NUP210L: variants seen among roughly 807,000 people sequenced by gnomAD.
NUP210L encodes nuclear pore membrane glycoprotein 210-like.
NUP210L carries 74 observed loss-of-function variants against 208.5 expected under a neutral mutation model. The observed-to-expected ratio is 0.35, with a 90% CI of 0.29 to 0.43. The LOEUF (loss-of-function observed/expected upper bound fraction) is 0.43. Among genes scored for constraint, NUP210L ranks in the 20% least tolerant of loss-of-function variants. The pLI is 1.00. For synonymous variants in NUP210L, 780 were observed against 816.9 expected (o/e 0.95, Z 0.77); for missense variants, 1,843 against 2,289.4 (o/e 0.81, Z 3.98).
chr1:154,090,471 C>G (rs374497031), intron 15 of NUP210L, among the ~76,000 whole-genome samples: 1 of 152,070 alleles, frequency 6.6e-6, no homozygotes, highest in Non-Finnish European at 1.5e-5. Flanking sequence ...ATGATAAAAG[C>G]CTTACCACAG....
intron 27 of NUP210L, among the ~76,000 whole-genome samples, chr1:154,032,404 G>A (rs1458067658): frequency 2.0e-5 from 3 of 152,078 alleles, no homozygotes; most frequent in African/African-American, 4.8e-5. Context: ...ATTTTAACTG[G>A]GGTGAGATAT....
At chr1:154,054,700 G>T in intron 24 of NUP210L, 70 bp downstream of exon 24, 2 of 1,069,198 alleles carry the variant, frequency 1.9e-6, no homozygotes, top group Admixed American at 1.7e-5. Flanking sequence ...GAAGAGAGGT[G>T]TGTGTGTGTG....
intron 30 of NUP210L, among the ~76,000 whole-genome samples, chr1:154,023,767 T>G (rs535217884): frequency 1.3e-5 from 2 of 151,824 alleles, no homozygotes; most frequent in East Asian, 3.9e-4. Context: ...CGTGAGCCAC[T>G]GTGCCCGGCT....
rs554958515 is a variant in NUP210L, at chr1:153,993,205, T to C, written c.5492-116A>G. ...AATTCTTAAAAATAAGTAATAGTAA[T>C]GGCACTATTACAGGAAGTTTTTATC... On this transcript the variant is annotated intron_variant, in intron 38 of 39. Transcript: ENST00000368559. 1.1e-4 allele frequency: 71 copies of C among 646,748 alleles called. No individual in the cohort carries two copies. In the African/African-American group the frequency reaches 1.3e-3, roughly 12 times the overall value. The allele number at this position is 646,748 out of a possible 1,614,324, so 40.1% of individuals were successfully genotyped here. A position where few individuals can be genotyped will look rare whatever the true frequency, so the allele number is the denominator to read the frequency against.
chr1:154,127,692 C>T (rs999419113), intron 8 of NUP210L, among the ~76,000 whole-genome samples: 1 of 150,748 alleles, frequency 6.6e-6, no homozygotes. Flanking sequence ...CTGGGATTAT[C>T]GGTGTGCGTT....
At chr1:154,125,040 C>T (rs1390108382) in intron 10 of NUP210L, among the ~76,000 whole-genome samples, 1 of 152,142 alleles carries the variant, frequency 6.6e-6, no homozygotes, top group Admixed American at 6.6e-5. Flanking sequence ...TGTAGTGGCT[C>T]ACACCTATAA....
chr1:154,037,656 CTTTTA>C (rs774905976), intron 27 of NUP210L, among the ~76,000 whole-genome samples: 38 of 152,064 alleles, frequency 2.5e-4, no homozygotes, highest in Admixed American at 7.2e-4. Context: ...CACTCTATGT[CTTTTA>C]TTTTATTTTA....
At chr1:154,133,874 GCA>G (rs1658380852) in intron 7 of NUP210L, among the ~76,000 whole-genome samples, 1 of 151,446 alleles carries the variant, frequency 6.6e-6, no homozygotes. Context: ...TTTTGGCCAG[GCA>G]CAGTGGCTCA....
rs377148470 is a variant in NUP210L, at chr1:154,060,950, C to G, written c.2740G>C (p.Asp914His). The change falls in exon 19 of 40, where the codon GAT becomes CAT. Residue 914 changes from aspartate (D) to histidine (H), a missense_variant. By Grantham distance (81) the Asp-to-His change is moderately conservative. This residue lies in a region of NUP210L where 408 missense variants were observed against 600.8 expected (regional missense o/e 0.68). Transcript: ENST00000368559. ...ACTCATACAGCTTCTACCTTTACAT[C>G]AGGGTGGTTATAGATGGTGGCATTC... 10 of 1,603,766 alleles carry G rather than the reference C, an allele frequency of 6.2e-6. No individual in the cohort carries two copies. The African/African-American group carries it at 1.3e-4, about 21-fold the overall frequency.
chr1:154,094,151 C>T lies in NUP210L; in HGVS notation c.2187+784G>A, dbSNP rs1015268289. On this transcript the variant is annotated intron_variant, in intron 15 of 39. Coordinates refer to ENST00000368559, the Ensembl canonical transcript of NUP210L. ...ACAAAAAATTAGCCAGGCGTGGTGG[C>T]GTGCACCTGTCATCCCAGCTACTCA... Among the ~76,000 whole-genome samples, 5 of 152,092 alleles carry T rather than the reference C, an allele frequency of 3.3e-5. No homozygotes were observed. The South Asian group carries it at 8.3e-4, about 25-fold the overall frequency.
intron 27 of NUP210L, among the ~76,000 whole-genome samples, chr1:154,041,651 A>AG (rs1385443829): frequency 1.3e-5 from 2 of 152,076 alleles, no homozygotes; most frequent in East Asian, 1.9e-4. Flanking sequence ...AGAGAAAAAA[A>AG]AAAAGAAAAG....
intron 12 of NUP210L, among the ~76,000 whole-genome samples, chr1:154,107,684 A>C (rs1022486227): frequency 6.6e-6 from 1 of 151,658 alleles, no homozygotes; most frequent in Non-Finnish European, 1.5e-5. Flanking sequence ...TGGCCAACAC[A>C]GTGAAAGCCT....
chr1:154,005,636 A>G (rs1224085765), intron 35 of NUP210L, among the ~76,000 whole-genome samples: 2 of 152,026 alleles, frequency 1.3e-5, no homozygotes, highest in Non-Finnish European at 2.9e-5. Flanking sequence ...TCCCGGGTTC[A>G]AGTGATTCTC....
exon 8 of NUP210L, chr1:154,129,338 A>G: frequency 6.2e-7 from 1 of 1,608,070 alleles, no homozygotes; most frequent in Admixed American, 1.7e-5. Flanking sequence ...CAGATCGCAT[A>G]TGAACATCTT....
In NUP210L at chr1:154,137,963, T is replaced by C. The variant is rs1222446203; in HGVS notation, c.850+143A>G. 4 of 526,210 alleles carry C rather than the reference T, an allele frequency of 7.6e-6. No individual in the cohort carries two copies. In the East Asian group the frequency reaches 1.4e-4, roughly 18 times the overall value. The allele number at this position is 526,210 out of a possible 1,614,324, so 32.6% of individuals were successfully genotyped here. On this transcript the variant is annotated intron_variant, in intron 6 of 39. Coordinates refer to ENST00000368559, the Ensembl canonical transcript of NUP210L. ...AAGATATGGGGCTATTTCTGTCTAA[T>C]ATTAGTTAAGTACAGCAATTAACAC...
intron 15 of NUP210L, among the ~76,000 whole-genome samples, chr1:154,091,258 G>T (rs1655898252): frequency 6.6e-6 from 1 of 151,348 alleles, no homozygotes; most frequent in African/African-American, 2.4e-5. Context: ...ACCACACCCG[G>T]CTAATTTTTG....
At chr1:154,139,687 CAAAAAA>C (rs879154434) in intron 5 of NUP210L, 109 bp downstream of exon 5, 3 of 543,866 alleles carry the variant, frequency 5.5e-6, no homozygotes, top group Non-Finnish European at 6.2e-6. Flanking sequence ...AACAAACAAA[CAAAAAA>C]AAAAAAAAAA....
At chr1:154,094,893 G>T in intron 15 of NUP210L, 42 bp downstream of exon 15, 1 of 1,424,170 alleles carries the variant, frequency 7.0e-7, no homozygotes, top group Non-Finnish European at 9.9e-7. Context: ...AGGATTTGGA[G>T]TATTACACTA....
chr1:154,117,940 T>C, intron 11 of NUP210L, 60 bp from the exon 12 acceptor site: 1 of 1,210,626 alleles, frequency 8.3e-7, no homozygotes, highest in East Asian at 2.3e-5. Flanking sequence ...TAAGTGAAAA[T>C]GTAAAACTTG....
Sources: gnomAD v4.1 joint callset for allele counts (sites outside exome capture counted in the v4.1 genomes callset) on GRCh38, gnomAD v4.1.1 for gene constraint, gnomAD v4.1.1 regional missense constraint, MANE v1.5 for transcripts, NCBI Gene and HGNC (gene_info 2026-07-23, HGNC 2026-07-21) for gene names.